The following IL16 variants were observed in gnomAD, a reference collection of about 807,000 sequenced individuals.
The protein encoded by IL16 is interleukin 16.
IL16 carries 67 observed loss-of-function variants against 110.1 expected under a neutral mutation model. That is an observed-to-expected ratio of 0.61 (90% CI 0.50 to 0.75). The LOEUF is 0.75. IL16 is among the 30% of genes least tolerant of loss of function. IL16 has a pLI of 0.00. For synonymous variants in IL16, 689 were observed against 662.9 expected, an observed-to-expected ratio of 1.04 and a Z score of -0.61; for missense variants, 1,545 against 1,655.0, an observed-to-expected ratio of 0.93 and a Z score of 1.15.
At chr15:81,272,082 T>C in intron 5 of IL16, among the ~76,000 whole-genome samples, 1 of 152,248 alleles carries the variant, frequency 6.6e-6, no homozygotes, top group Non-Finnish European at 1.5e-5. Context: ...ATTTATGCCT[T>C]TATCCTGTAA....
At chr15:81,307,945 T>C (rs1283944183) in intron 18 of IL16, among the ~76,000 whole-genome samples, 1 of 152,248 alleles carries the variant, frequency 6.6e-6, no homozygotes, top group Non-Finnish European at 1.5e-5. Context: ...TTTAGCTATA[T>C]TTTCATTACT....
At chr15:81,232,977 C>T (rs1017599325) in intron 2 of IL16, among the ~76,000 whole-genome samples, 2 of 152,078 alleles carry the variant, frequency 1.3e-5, no homozygotes, top group Non-Finnish European at 2.9e-5. Context: ...ACCTATGAGC[C>T]GTCTGGGACT....
Position 81,285,795 on chromosome 15 carries a change from G to A in IL16, c.1297G>A (p.Val433Ile). Residue 433 changes from valine to isoleucine, a missense_variant, in exon 10 of 19, where the codon GTC (valine) becomes ATC (isoleucine). Val to Ile is a conservative substitution (Grantham distance 29). Coordinates refer to ENST00000683961, the MANE Select transcript of IL16 (RefSeq NM_172217.5). ...TILSHCDPGP[V>I]PIIVSRHPDP... ...CCTGAGTCACTGTGATCCCGGTCCAGTCCCCATCATTGTTAGCCGACATCC... is the reference window on the plus strand; with the variant it reads ...CCTGAGTCACTGTGATCCCGGTCCAATCCCCATCATTGTTAGCCGACATCC... 2 of 1,614,190 alleles carry A rather than the reference G, an allele frequency of 1.2e-6. No homozygotes were observed. Among genetic ancestry groups the A allele is most frequent in the Non-Finnish European group, 1.7e-6 (2 of 1,180,026 alleles).
chr15:81,219,741 G>A (rs1202843943), intron 1 of IL16, among the ~76,000 whole-genome samples: 1 of 152,140 alleles, frequency 6.6e-6, no homozygotes, highest in African/African-American at 2.4e-5. Context: ...GATGTTGGTT[G>A]GTTACCTGGA....
chr15:81,274,630 A>G (rs1410853092), intron 6 of IL16, among the ~76,000 whole-genome samples: 1 of 152,240 alleles, frequency 6.6e-6, no homozygotes, highest in African/African-American at 2.4e-5. Flanking sequence ...GCTTGGTGTA[A>G]TGTTGAATTC....
At chr15:81,274,918 G>A (rs970592579) in intron 6 of IL16, among the ~76,000 whole-genome samples, 1 of 151,560 alleles carries the variant, frequency 6.6e-6, no homozygotes, top group African/African-American at 2.4e-5. Context: ...GTTTTCAGAG[G>A]CTTCAGGAAG....
Position 81,299,986 on chromosome 15 carries a change from T to A in IL16, c.2660T>A (p.Leu887Ter), listed in dbSNP as rs1900188823. ...KHEEGRFSGL[L>*]GRGAAPTLVP... ...GAGGAAGGACGGTTTTCTGGACTCT[T>A]GGGGCGAGGGGCTGCACCCACTCTT... The change falls in exon 14 of 19, where the codon TTG (leucine) becomes TAG (stop). Residue 887 changes from leucine (L) to a stop codon, truncating the protein, a stop_gained. Coordinates refer to ENST00000683961, the MANE Select transcript of IL16 (RefSeq NM_172217.5). LOFTEE classifies it high-confidence loss of function. 1.2e-6 allele frequency: 2 copies of A among 1,600,856 alleles called. No individual in the cohort carries two copies. The highest frequency in any genetic ancestry group is 1.7e-6 in the Non-Finnish European group (2 of 1,172,820).
At chr15:81,209,763 A>C (rs370523159) in intron 1 of IL16, among the ~76,000 whole-genome samples, 14 of 151,966 alleles carry the variant, frequency 9.2e-5, no homozygotes, top group South Asian at 6.2e-4. Flanking sequence ...CTGTCTGCCT[A>C]CCTCCCTGCC....
intron 15 of IL16, among the ~76,000 whole-genome samples, chr15:81,302,527 G>A (rs1900338694): frequency 6.6e-6 from 1 of 152,160 alleles, no homozygotes. Flanking sequence ...AGGGTGCAGT[G>A]AGGTACATTC....
chr15:81,225,255 A>G, intron 1 of IL16, 44 bp from the exon 2 acceptor site: 1 of 1,449,546 alleles, frequency 6.9e-7, no homozygotes, highest in South Asian at 1.4e-5. Flanking sequence ...TCCACTTGTC[A>G]GCAGCAAGTC....
intron 1 of IL16, among the ~76,000 whole-genome samples, chr15:81,223,724 C>T (rs1896695259): frequency 6.6e-6 from 1 of 152,222 alleles, no homozygotes; most frequent in Non-Finnish European, 1.5e-5. Context: ...TGTTATCAAG[C>T]TGATTACTGA....
intron 2 of IL16, among the ~76,000 whole-genome samples, chr15:81,230,216 A>C (rs1896924224): frequency 6.6e-6 from 1 of 152,362 alleles, no homozygotes; most frequent in South Asian, 2.1e-4. Context: ...AAACAAAAGC[A>C]AATACAATTT....
chr15:81,204,797 C>G (rs1039780013), intron 1 of IL16, among the ~76,000 whole-genome samples: 1 of 151,164 alleles, frequency 6.6e-6, no homozygotes, highest in African/African-American at 2.4e-5. Context: ...TTGGAAGCAG[C>G]CTGCACCAAG....
chr15:81,282,811 A>G, intron 9 of IL16, 55 bp downstream of exon 9: 1 of 1,219,122 alleles, frequency 8.2e-7, no homozygotes, highest in Non-Finnish European at 1.2e-6. Context: ...CAGGAAAGAA[A>G]TACCTTAGAA....
At chr15:81,194,989 C>T (rs1054249224), upstream of IL16, among the ~76,000 whole-genome samples, 3 of 152,072 alleles carry the variant, frequency 2.0e-5, no homozygotes, top group Non-Finnish European at 4.4e-5. Flanking sequence ...TTGCAGTGAG[C>T]TGGACTATGG....
At position 81,299,832 on chromosome 15, in the gene IL16, T is replaced by C; in HGVS notation, c.2506T>C (p.Ser836Pro). Residue 836 changes from serine (S) to proline (P), a missense_variant, in exon 14 of 19, where the codon TCC becomes CCC. This residue lies in a region of IL16 where 1,185 missense variants were observed against 1,238.8 expected (regional missense o/e 0.96). Transcript: ENST00000683961. The part of the protein sequence containing the change: ...LGSHIRASSS[S>P]SSIRQRISSF... ...ATCACACATCCGGGCCTCCTCCTCC[T>C]CCTCCTCCATCAGGCAGAGAATCAG... 2 of 1,613,938 alleles carry C rather than the reference T, an allele frequency of 1.2e-6. No individual in the cohort carries two copies. The highest frequency in any genetic ancestry group is 1.7e-6 in the Non-Finnish European group (2 of 1,180,006).
chr15:81,253,752 T>C (rs1314423082), intron 2 of IL16, among the ~76,000 whole-genome samples: 3 of 152,234 alleles, frequency 2.0e-5, no homozygotes, highest in Non-Finnish European at 4.4e-5. Flanking sequence ...TAGGGCATTG[T>C]ATTAATAATA....
rs1899037449 is a variant in IL16, at chr15:81,278,901, C to A, written c.864+11C>A. On this transcript the variant is annotated intron_variant, in intron 7 of 18. Transcript: ENST00000683961. ...TTGCAGAAGTTCAAGGTGACCATTT[C>A]TTATCAACACGTGACCAAACTCTGG... The A allele has an allele frequency of 6.3e-7, 1 of 1,592,136 alleles. No homozygotes were observed. Among genetic ancestry groups the A allele is most frequent in the Non-Finnish European group, 8.6e-7 (1 of 1,159,936 alleles).
At chr15:81,295,749 GA>G (rs1423581464) in intron 12 of IL16, among the ~76,000 whole-genome samples, 3 of 152,226 alleles carry the variant, frequency 2.0e-5, no homozygotes, top group Admixed American at 1.3e-4. Context: ...AATGCTCTGT[GA>G]ATACACTTCT....
Sources: gnomAD v4.1 joint callset for allele counts (sites outside exome capture counted in the v4.1 genomes callset) on GRCh38, gnomAD v4.1.1 for gene constraint, gnomAD v4.1.1 regional missense constraint, MANE v1.5 for transcripts, NCBI Gene and HGNC (gene_info 2026-07-23, HGNC 2026-07-21) for gene names.